TMEM266: variants seen among roughly 807,000 people sequenced by gnomAD.
The protein encoded by TMEM266 is transmembrane protein 266.
In TMEM266, 33 loss-of-function variants were observed where a neutral mutation model predicts 50.5. The ratio of observed to expected loss-of-function variants is 0.65; its 90% CI spans 0.50 to 0.87. The LOEUF (loss-of-function observed/expected upper bound fraction) is 0.87. Among genes scored for constraint, TMEM266 ranks in the 40% least tolerant of loss-of-function variants. TMEM266 has a pLI of 0.00. For missense variants in TMEM266, 655 were observed against 695.1 expected (o/e 0.94, Z 0.65); for synonymous variants, 310 against 292.3 (o/e 1.06, Z -0.62).
In TMEM266 at chr15:76,204,402, G is replaced by A; in HGVS notation, c.*87G>A. The A allele has an allele frequency of 1.5e-6, 2 of 1,329,412 alleles. No individual in the cohort carries two copies. The highest frequency in any genetic ancestry group is 2.1e-6 in the Non-Finnish European group (2 of 973,602). 82.4% of individuals were successfully genotyped at this position (1,329,412 alleles called of 1,614,324 possible). A position where few individuals can be genotyped will look rare whatever the true frequency, so the allele number is the denominator to read the frequency against. ...TGGAGGCTGCCAAGGGCCACACGCG[G>A]GGCCCAGGAGCCCACCTGGCCTCCC... On this transcript the variant is annotated 3_prime_UTR_variant, in exon 11 of 11. Coordinates refer to ENST00000388942, the MANE Select transcript of TMEM266 (RefSeq NM_152335.3).
chr15:76,096,107 A>C (rs2036917288), intron 1 of TMEM266, among the ~76,000 whole-genome samples: 1 of 151,542 alleles, frequency 6.6e-6, no homozygotes, highest in Admixed American at 6.6e-5. Context: ...TCTTGTCTCT[A>C]TCTCCTTCAG....
chr15:76,101,216 G>A lies in TMEM266; in HGVS notation c.-96-32952G>A, dbSNP rs529226951. Among the ~76,000 whole-genome samples the A allele has an allele frequency of 6.2e-4, 95 of 152,312 alleles. 4 individuals are homozygous for A. In the South Asian group the frequency reaches 0.019, roughly 31 times the overall value. Reference sequence around the variant, plus strand: ...AACTCAGCTAACCATCCTGCTGAGGGATGTCAAGTAGCTGAAGTACCTGGT... The same window carrying A: ...AACTCAGCTAACCATCCTGCTGAGGAATGTCAAGTAGCTGAAGTACCTGGT... On this transcript the variant is annotated intron_variant, in intron 1 of 10. Coordinates refer to ENST00000388942, the MANE Select transcript of TMEM266 (RefSeq NM_152335.3).
In TMEM266 at chr15:76,169,884, T is replaced by C. The variant is rs1567174687; in HGVS notation, c.513+12T>C. ...AAAACAAAATAGAGGTAAAGACCAA[T>C]GTCCACCCCCAAAGCCCCCACTCTG... is the stretch of plus-strand genomic sequence containing the variant. On this transcript the variant is annotated intron_variant, in intron 6 of 10. Transcript: ENST00000388942. 2 of 1,612,020 alleles carry C rather than the reference T, an allele frequency of 1.2e-6. No homozygotes were observed. The highest frequency in any genetic ancestry group is 1.7e-6 in the Non-Finnish European group (2 of 1,178,640).
intron 1 of TMEM266, among the ~76,000 whole-genome samples, chr15:76,103,184 G>A (rs931638467): frequency 6.6e-6 from 1 of 152,086 alleles, no homozygotes; most frequent in African/African-American, 2.4e-5. Flanking sequence ...TGACATACTC[G>A]CTAACAGATC....
rs1332785209 is a variant in TMEM266 at position 76,084,249 on chromosome 15, G to A, written c.-97+24233G>A. Among the ~76,000 whole-genome samples, 3 of 152,162 alleles carry A rather than the reference G, an allele frequency of 2.0e-5. No individual in the cohort carries two copies. In the East Asian group the frequency reaches 5.8e-4, roughly 29 times the overall value. ...GGATTGCTTGAGTCCAGAAGTTAGAGGCTACAATGAGCTGAGATTGCACCA... is the reference window on the plus strand; with the variant it reads ...GGATTGCTTGAGTCCAGAAGTTAGAAGCTACAATGAGCTGAGATTGCACCA... On this transcript the variant is annotated intron_variant, in intron 1 of 10. Transcript: ENST00000388942.
At chr15:76,167,245 C>T (rs1005641308) in intron 5 of TMEM266, among the ~76,000 whole-genome samples, 5 of 151,942 alleles carry the variant, frequency 3.3e-5, no homozygotes, top group African/African-American at 4.8e-5. Context: ...CCGAGGCTGG[C>T]GGATCATGAG....
At chr15:76,114,909 C>T (rs2037225427) in intron 1 of TMEM266, among the ~76,000 whole-genome samples, 1 of 152,152 alleles carries the variant, frequency 6.6e-6, no homozygotes, top group African/African-American at 2.4e-5. Context: ...AATATGTGGC[C>T]TTTTGTGTCT....
intron 9 of TMEM266, among the ~76,000 whole-genome samples, chr15:76,200,302 G>A (rs535897873): frequency 2.6e-5 from 4 of 152,140 alleles, no homozygotes; most frequent in South Asian, 2.1e-4. Flanking sequence ...TTCGCACTCC[G>A]CTGTGACTCT....
intron 1 of TMEM266, among the ~76,000 whole-genome samples, chr15:76,065,556 G>A (rs2141980229): frequency 6.6e-6 from 1 of 152,226 alleles, no homozygotes; most frequent in Non-Finnish European, 1.5e-5. Context: ...AAGAGTGTGG[G>A]CTCTGCCTGT....
At chr15:76,189,497 T>G (rs1017647808) in intron 8 of TMEM266, among the ~76,000 whole-genome samples, 17 of 152,052 alleles carry the variant, frequency 1.1e-4, no homozygotes, top group Admixed American at 1.1e-3. Flanking sequence ...GGCAACTGAT[T>G]GAACAGAGTG....
At chr15:76,083,182 C>T (rs1018224680) in intron 1 of TMEM266, among the ~76,000 whole-genome samples, 15 of 151,448 alleles carry the variant, frequency 9.9e-5, no homozygotes, top group African/African-American at 2.9e-4. Flanking sequence ...TCAATGGTCA[C>T]GTGCTAGGTG....
intron 3 of TMEM266, among the ~76,000 whole-genome samples, chr15:76,148,385 A>T (rs530253326): frequency 6.6e-6 from 1 of 152,274 alleles, no homozygotes; most frequent in South Asian, 2.1e-4. Context: ...CTCACCCGGT[A>T]GGAAGCTGAC....
intron 1 of TMEM266, among the ~76,000 whole-genome samples, chr15:76,078,269 T>C (rs1383932763): frequency 6.6e-6 from 1 of 152,056 alleles, no homozygotes; most frequent in East Asian, 1.9e-4. Flanking sequence ...CCATGCGACT[T>C]ACAGTCACAG....
intron 1 of TMEM266, among the ~76,000 whole-genome samples, chr15:76,097,015 G>A (rs1480568299): frequency 2.7e-5 from 4 of 147,740 alleles, no homozygotes; most frequent in Non-Finnish European, 4.4e-5. Context: ...GTCTTTGCAC[G>A]TGAGATGGGT....
intron 8 of TMEM266, among the ~76,000 whole-genome samples, chr15:76,185,109 GT>G (rs1188223803): frequency 6.6e-6 from 1 of 152,104 alleles, no homozygotes; most frequent in Non-Finnish European, 1.5e-5. Flanking sequence ...TTTCTGTGGG[GT>G]TTTTTGGTAT....
intron 7 of TMEM266, 114 bp downstream of exon 7, chr15:76,171,245 T>C: frequency 1.4e-6 from 2 of 1,421,096 alleles, no homozygotes; most frequent in Admixed American, 4.7e-5. Flanking sequence ...GGACGGAAGG[T>C]GAAACTGTCG....
rs1230872911 is a variant in TMEM266 at position 76,161,938 on chromosome 15, T to C, written c.456+1770T>C. Among the ~76,000 whole-genome samples, 1 of 152,276 alleles carries C rather than the reference T, an allele frequency of 6.6e-6. No homozygotes were observed. Among genetic ancestry groups the C allele is most frequent in the Non-Finnish European group, 1.5e-5 (1 of 68,054 alleles). ...AATGTTTAATCAGTTGCTGCGGTTC[T>C]TCCCCTCTATCCCTCTGCTTTAGTT... On this transcript the variant is annotated intron_variant, in intron 5 of 10. Transcript: ENST00000388942. This position sits in a 1 kb window ranked among gnomAD's most constrained non-coding sequence, Gnocchi z 4.1.
chr15:76,103,003 G>A (rs887557685), intron 1 of TMEM266, among the ~76,000 whole-genome samples: 2 of 151,996 alleles, frequency 1.3e-5, no homozygotes, highest in African/African-American at 2.4e-5. Flanking sequence ...GGTGGTAAAC[G>A]GGGAGCAAGT....
intron 1 of TMEM266, among the ~76,000 whole-genome samples, chr15:76,111,413 A>G (rs746708082): frequency 6.7e-6 from 1 of 150,234 alleles, no homozygotes; most frequent in Non-Finnish European, 1.5e-5. Context: ...CTGTTAGCCA[A>G]CCTTTGGCTA....
Sources: allele counts gnomAD v4.1 joint callset (sites outside exome capture counted in the v4.1 genomes callset), GRCh38; gene constraint gnomAD v4.1.1; non-coding constraint Gnocchi (gnomAD v3.1); transcripts MANE v1.5; gene names NCBI Gene and HGNC (gene_info 2026-07-23, HGNC 2026-07-21).